Variants in CCDC154 observed in about 807,000 individuals in gnomAD.
CCDC154 encodes the protein coiled-coil domain-containing protein 154.
In CCDC154, 91 loss-of-function variants were observed where a neutral mutation model predicts 87.5. That is an observed-to-expected ratio of 1.04 (90% CI 0.88 to 1.24). The LOEUF (loss-of-function observed/expected upper bound fraction) is 1.24, where lower values mean the gene tolerates loss of function less well. CCDC154 is among the 50% of genes most tolerant of loss of function. The pLI, the probability that CCDC154 is intolerant of heterozygous loss-of-function variation, is 0.00. For missense variants in CCDC154, 903 were observed against 879.2 expected (o/e 1.03, Z -0.34); for synonymous variants, 418 against 400.4 (o/e 1.04, Z -0.52).
At chr16:1,436,215 C>CA (rs1403401000) in intron 13 of CCDC154, 129 bp from the exon 14 acceptor site, 1 of 881,636 alleles carries the variant, frequency 1.1e-6, no homozygotes, top group Non-Finnish European at 1.7e-6. Flanking sequence ...CCTGTCACCC[C>CA]TCCAGTGGGG....
chr16:1,442,591 T>C (rs980457317), intron 5 of CCDC154, 62 bp from the exon 6 acceptor site: 6 of 1,462,822 alleles, frequency 4.1e-6, no homozygotes, highest in African/African-American at 1.4e-5. Context: ...AGGGTGAGGC[T>C]GACCCACAGG....
At chr16:1,440,273 T>C (rs967982392) in intron 6 of CCDC154, among the ~76,000 whole-genome samples, 4 of 149,034 alleles carry the variant, frequency 2.7e-5, no homozygotes, top group Admixed American at 1.3e-4. Flanking sequence ...CACGGTGAAA[T>C]CCTGTCTCTG....
chr16:1,442,068 C>T (rs1160306098), intron 6 of CCDC154, among the ~76,000 whole-genome samples: 3 of 152,266 alleles, frequency 2.0e-5, no homozygotes, highest in Middle Eastern at 3.4e-3. Context: ...AGGTGCCCGC[C>T]ACCACACCTG....
At chr16:1,438,466 G>T in intron 9 of CCDC154, 153 bp downstream of exon 9, 1 of 790,238 alleles carries the variant, frequency 1.3e-6, no homozygotes, top group Non-Finnish European at 2.0e-6. Context: ...GAGGGAGGAG[G>T]GTTCGCACCA....
chr16:1,442,263 T>C lies in CCDC154; in HGVS notation c.675+143A>G. The C allele has an allele frequency of 3.8e-6, 4 of 1,050,246 alleles. No individual in the cohort carries two copies. The South Asian group carries it at 5.8e-5, about 15-fold the overall frequency. The allele number at this position is 1,050,246 out of a possible 1,614,324, so 65.1% of individuals were successfully genotyped here. A position where few individuals can be genotyped will look rare whatever the true frequency, so the allele number is the denominator to read the frequency against. On this transcript the variant is annotated intron_variant, in intron 6 of 16. Transcript: ENST00000389176. ...CATGTGCGGCTGAGGAATTGAGTTT[T>C]ACATTGTCTACAACTATAGCTGATT...
Position 1,442,891 on chromosome 16 carries a change from C to T in CCDC154, c.540G>A (p.Glu180=), listed in dbSNP as rs1596205797. ...CGGTGGGCGCCCACCTGAGGCCGGC[C>T]TCTTGCTCGGCGCCCCTTCTCTCCG... ...QEAERRGAEQ[E]AGLRLAKLTD... The change falls in exon 5 of 17, where the codon GAG becomes GAA. Residue 180 remains glutamate (E), a synonymous_variant. Coordinates refer to ENST00000389176, the MANE Select transcript of CCDC154 (RefSeq NM_001143980.3). 9 of 1,549,350 alleles carry T rather than the reference C, an allele frequency of 5.8e-6. No homozygotes were observed. The Middle Eastern group carries it at 6.7e-4, about 115-fold the overall frequency.
intron 4 of CCDC154, 74 bp downstream of exon 4, chr16:1,443,187 C>A (rs2142357458): frequency 6.6e-7 from 1 of 1,507,932 alleles, no homozygotes; most frequent in Non-Finnish European, 9.0e-7. Flanking sequence ...GTGGACCCCC[C>A]ACCACACCTG....
chr16:1,443,969 C>T lies in CCDC154; in HGVS notation c.51G>A (p.Gln17=), dbSNP rs1161185199. 1 of 1,302,888 alleles carries T rather than the reference C, an allele frequency of 7.7e-7. No homozygotes were observed. The highest frequency in any genetic ancestry group is 5.5e-5 in the East Asian group (1 of 18,038). The allele number at this position is 1,302,888 out of a possible 1,614,324, so 80.7% of individuals were successfully genotyped here. The part of the protein sequence containing the change: ...SGPSGASAPS[Q]LRAVTLEDLG... ...GGTCTTCCAGGGTGACGGCTCTCAG[C>T]TGGGAAGGGGCCGATGCCCCTGAGG... Residue 17 remains glutamine, a synonymous_variant, in exon 2 of 17, where the codon CAG becomes CAA. Coordinates refer to ENST00000389176, the MANE Select transcript of CCDC154 (RefSeq NM_001143980.3).
At position 1,436,068 on chromosome 16, in the gene CCDC154, G is replaced by A; in HGVS notation, c.1506C>T (p.Ala502=). 1.9e-6 allele frequency: 3 copies of A among 1,550,278 alleles called. No homozygotes were observed. The highest frequency in any genetic ancestry group is 2.6e-6 in the Non-Finnish European group (3 of 1,146,870). The change falls in exon 14 of 17, where the codon GCC becomes GCT. Residue 502 remains alanine, a synonymous_variant. Transcript: ENST00000389176. ...EGKAREFKVG[A]LRQELATLLS... is the part of the protein sequence containing the mutation. ...GTAGCGTGGCCAGCTCCTGCCGCAG[G>A]GCCCCAACCTTGAACTCCCTATGGG...
At chr16:1,438,984 G>C in intron 7 of CCDC154, 41 bp from the exon 8 acceptor site, 1 of 1,549,660 alleles carries the variant, frequency 6.5e-7, no homozygotes, top group Non-Finnish European at 8.7e-7. Context: ...TCTGCGTCTG[G>C]GAAGGGGGGC....
At chr16:1,442,302 A>G in intron 6 of CCDC154, 104 bp downstream of exon 6, 1 of 1,267,200 alleles carries the variant, frequency 7.9e-7, no homozygotes, top group Non-Finnish European at 1.1e-6. Context: ...GTGGACACAG[A>G]TACATGGTGA....
At chr16:1,441,626 C>T (rs1053580419) in intron 6 of CCDC154, among the ~76,000 whole-genome samples, 5 of 152,140 alleles carry the variant, frequency 3.3e-5, no homozygotes, top group African/African-American at 4.8e-5. Flanking sequence ...AGGTGGAGCC[C>T]GAGAGTGGCC....
chr16:1,435,519 TTTTTG>T (rs536826935), intron 14 of CCDC154, among the ~76,000 whole-genome samples: 5 of 150,666 alleles, frequency 3.3e-5, no homozygotes, highest in African/African-American at 5.0e-5. Flanking sequence ...TTTGTTTTTG[TTTTTG>T]TTTTGTTTTG....
chr16:1,435,362 T>C (rs1365951010), intron 14 of CCDC154, 187 bp from the exon 15 acceptor site: 11 of 626,422 alleles, frequency 1.8e-5, no homozygotes, highest in Non-Finnish European at 2.8e-5. Flanking sequence ...AGCCTGAGAG[T>C]GGCCCTGCGG....
chr16:1,442,612 A>C, intron 5 of CCDC154, 83 bp from the exon 6 acceptor site: 1 of 1,429,454 alleles, frequency 7.0e-7, no homozygotes, highest in Non-Finnish European at 9.2e-7. Flanking sequence ...CTGGCCAGGC[A>C]GGAGGTGTAC....
At chr16:1,436,631 G>A in intron 12 of CCDC154, 61 bp downstream of exon 12, 1 of 1,546,612 alleles carries the variant, frequency 6.5e-7, no homozygotes, top group South Asian at 1.2e-5. Context: ...GGTGCAGGGA[G>A]AAGGGTCCCA....
At position 1,436,041 on chromosome 16, in the gene CCDC154, T is replaced by C. The variant is rs1001763706; in HGVS notation, c.1533A>G (p.Leu511=). 26 of 1,550,172 alleles carry C rather than the reference T, an allele frequency of 1.7e-5. No homozygotes were observed. Among genetic ancestry groups the C allele is most frequent in the Middle Eastern group, 1.7e-4 (1 of 6,012 alleles). Residue 511 remains leucine, a synonymous_variant, in exon 14 of 17, where the codon CTA becomes CTG. Coordinates refer to ENST00000389176, the MANE Select transcript of CCDC154 (RefSeq NM_001143980.3). ...CTTCCTTTAGCAGCTGCACGGATGA[T>C]AGTAGCGTGGCCAGCTCCTGCCGCA... ...GALRQELATL[L]SSVQLLKEDN...
chr16:1,438,341 G>T, intron 9 of CCDC154, 165 bp from the exon 10 acceptor site: 1 of 914,968 alleles, frequency 1.1e-6, no homozygotes, highest in Non-Finnish European at 1.6e-6. Context: ...ACTCCCCATG[G>T]CCACCAAGAT....
chr16:1,434,975 G>T, intron 15 of CCDC154, 114 bp downstream of exon 15: 1 of 1,408,906 alleles, frequency 7.1e-7, no homozygotes, highest in Non-Finnish European at 9.5e-7. Context: ...CCTGCCCATG[G>T]CCAGACACTT....
Sources: allele counts gnomAD v4.1 joint callset (sites outside exome capture counted in the v4.1 genomes callset), GRCh38; gene constraint gnomAD v4.1.1; transcripts MANE v1.5; gene names NCBI Gene and HGNC (gene_info 2026-07-23, HGNC 2026-07-21).